Variants in TRANK1 observed in about 807,000 individuals in gnomAD.
TRANK1 encodes tetratricopeptide repeat and ankyrin repeat containing 1, also known as TPR and ankyrin repeat-containing protein 1.
In TRANK1, 198 loss-of-function variants were observed where a neutral mutation model predicts 266.0. That is an observed-to-expected ratio of 0.74 (90% CI 0.66 to 0.84). The LOEUF (loss-of-function observed/expected upper bound fraction) is 0.84. TRANK1 is among the 40% of genes least tolerant of loss of function. TRANK1 has a pLI of 0.00. For synonymous variants in TRANK1, 1,396 were observed against 1,384.1 expected (o/e 1.01, Z -0.19); for missense variants, 3,326 against 3,634.6 (o/e 0.92, Z 2.18).
At position 36,831,570 on chromosome 3, in the gene TRANK1, G is replaced by A. The variant is rs1222880385; in HGVS notation, c.8013C>T (p.Asn2671=). ...CCACAGGGTCCAAACAGAGCAGGCGGTTTAGTCTGACCTCCTCATAATAGA... is the reference window on the plus strand; with the variant it reads ...CCACAGGGTCCAAACAGAGCAGGCGATTTAGTCTGACCTCCTCATAATAGA... The part of the protein sequence containing the change: ...RGLYYEEVRL[N]RLLCLDPVDY... The change falls in exon 22 of 24, where the codon AAC becomes AAT. Residue 2671 remains asparagine, a synonymous_variant. Coordinates refer to ENST00000645898, the MANE Select transcript of TRANK1 (RefSeq NM_001329998.2). The surrounding 1 kb of genome is among the most constrained non-coding windows in gnomAD (Gnocchi z 5.0). The A allele has an allele frequency of 6.2e-7, 1 of 1,613,468 alleles. No homozygotes were observed. Among genetic ancestry groups the A allele is most frequent in the Non-Finnish European group, 8.5e-7 (1 of 1,179,710 alleles).
At chr3:36,916,831 A>T (rs1181892988) in intron 1 of TRANK1, among the ~76,000 whole-genome samples, 2 of 149,746 alleles carry the variant, frequency 1.3e-5, no homozygotes, top group Non-Finnish European at 3.0e-5. Flanking sequence ...TGTTTTTTTG[A>T]AGAGACCGGA....
chr3:36,892,180 G>A lies in TRANK1; in HGVS notation c.775+22C>T, dbSNP rs1453473228. 5 of 1,535,344 alleles carry A rather than the reference G, an allele frequency of 3.3e-6. No individual in the cohort carries two copies. The African/African-American group carries it at 6.9e-5, about 21-fold the overall frequency. ...AGGCTAGAAGGGCAGCTTGGAGGGT[G>A]GAAAACTGGGAGAAGACTCACTGGC... On this transcript the variant is annotated intron_variant, in intron 7 of 23. Transcript: ENST00000645898.
At chr3:36,845,893 G>A (rs2078907437) in intron 17 of TRANK1, among the ~76,000 whole-genome samples, 1 of 152,192 alleles carries the variant, frequency 6.6e-6, no homozygotes, top group South Asian at 2.1e-4. Flanking sequence ...AAGTGGAACT[G>A]TTGGGTCAAA....
intron 8 of TRANK1, among the ~76,000 whole-genome samples, chr3:36,876,097 T>TA (rs2079384946): frequency 6.6e-6 from 1 of 152,198 alleles, no homozygotes; most frequent in Non-Finnish European, 1.5e-5. Flanking sequence ...CACCAACAAA[T>TA]AAGACTTATT....
At chr3:36,879,154 T>TAA (rs533049067) in intron 8 of TRANK1, among the ~76,000 whole-genome samples, 4 of 145,992 alleles carry the variant, frequency 2.7e-5, no homozygotes, top group Non-Finnish European at 6.0e-5. Context: ...GGCAATTGTT[T>TAA]AAAAAAAAAA....
chr3:36,936,770 C>T (rs2080430944), intron 1 of TRANK1, among the ~76,000 whole-genome samples: 1 of 152,094 alleles, frequency 6.6e-6, no homozygotes, highest in African/African-American at 2.4e-5. Context: ...GTTCCAACTC[C>T]CTAAAACCAA....
intron 1 of TRANK1, among the ~76,000 whole-genome samples, chr3:36,928,020 A>G (rs549003875): frequency 6.6e-6 from 1 of 152,332 alleles, no homozygotes; most frequent in East Asian, 1.9e-4. Flanking sequence ...GTGGGGTCAC[A>G]GGTTGTGATG....
At chr3:36,830,736 T>A in intron 22 of TRANK1, 137 bp downstream of exon 22, 3 of 984,530 alleles carry the variant, frequency 3.0e-6, no homozygotes, top group Non-Finnish European at 4.3e-6. Flanking sequence ...GAATATATAT[T>A]CCTCATTTGT....
At chr3:36,830,706 T>C (rs2078680700) in intron 22 of TRANK1, among the ~76,000 whole-genome samples, 167 bp downstream of exon 22, 1 of 152,152 alleles carries the variant, frequency 6.6e-6, no homozygotes, top group Non-Finnish European at 1.5e-5. Flanking sequence ...ATCCAACCAA[T>C]GAGGTTCGCT....
rs1176140713 is a variant in TRANK1, at chr3:36,879,617, A to T, written c.908-5321T>A. On this transcript the variant is annotated intron_variant, in intron 8 of 23. Transcript: ENST00000645898. ...ATATATAAATATATATAAATATACAAATATATATAAATATATATAAATATA... is the reference window on the plus strand; with the variant it reads ...ATATATAAATATATATAAATATACATATATATATAAATATATATAAATATA... Among the ~76,000 whole-genome samples the T allele has an allele frequency of 1.4e-4, 6 of 42,616 alleles. 1 individual carries two copies. Among genetic ancestry groups the T allele is most frequent in the Non-Finnish European group, 3.0e-4 (6 of 19,862 alleles). 28.0% of individuals were successfully genotyped at this position (42,616 alleles called of 152,430 possible). A position where few individuals can be genotyped will look rare whatever the true frequency, so the allele number is the denominator to read the frequency against.
chr3:36,852,770 T>A (rs2079001654), intron 13 of TRANK1, among the ~76,000 whole-genome samples: 1 of 99,198 alleles, frequency 1.0e-5, no homozygotes. Flanking sequence ...AGACTCCATC[T>A]CAATTAAAAA....
chr3:36,928,364 C>A (rs1477157213), intron 1 of TRANK1, among the ~76,000 whole-genome samples: 3 of 152,154 alleles, frequency 2.0e-5, no homozygotes, highest in Admixed American at 2.0e-4. Flanking sequence ...TTCAATACAG[C>A]CAACTTTAAA....
chr3:36,894,830 T>C (rs2079764691), intron 5 of TRANK1, among the ~76,000 whole-genome samples: 1 of 152,236 alleles, frequency 6.6e-6, no homozygotes, highest in Non-Finnish European at 1.5e-5. Context: ...CCAGGAGGGC[T>C]GTTCTAACCA....
chr3:36,888,013 G>T (rs898318212), intron 8 of TRANK1, among the ~76,000 whole-genome samples: 1 of 152,108 alleles, frequency 6.6e-6, no homozygotes, highest in Admixed American at 6.5e-5. Flanking sequence ...GTATCTAGCT[G>T]GGAAAAATGA....
In TRANK1 at chr3:36,856,171, G is replaced by A; in HGVS notation, c.3551C>T (p.Pro1184Leu). The change falls in exon 13 of 24, where the codon CCC (proline) becomes CTC (leucine). Residue 1184 changes from proline to leucine, a missense_variant. Coordinates refer to ENST00000645898, the MANE Select transcript of TRANK1 (RefSeq NM_001329998.2). ...QAAEVCAPEH[P>L]HQLEHLHQIF... ...CTGATGTAAATGCTCCAGCTGGTGG[G>A]GATGTTCTGGTGCACATACTTCTGC... 1.2e-6 allele frequency: 2 copies of A among 1,613,882 alleles called. No homozygotes were observed. Among genetic ancestry groups the A allele is most frequent in the Non-Finnish European group, 1.7e-6 (2 of 1,179,886 alleles).
At position 36,857,719 on chromosome 3, in the gene TRANK1, G is replaced by C; in HGVS notation, c.2003C>G (p.Ser668Ter). 6.2e-7 allele frequency: 1 copy of C among 1,613,998 alleles called. No homozygotes were observed. Among genetic ancestry groups the C allele is most frequent in the Non-Finnish European group, 8.5e-7 (1 of 1,179,882 alleles). ...TGTGTGACCAGGGGCAGTGGACTTT[G>C]AGAGCTTCCCCAGGTGGGCAGCAGA... ...QDSAAHLGKL[S>*]KSTAPGHTSQ... The change falls in exon 13 of 24, where the codon TCA (serine) becomes TGA (stop). Residue 668 changes from serine (S) to a stop codon, truncating the protein, a stop_gained. Coordinates refer to ENST00000645898, the MANE Select transcript of TRANK1 (RefSeq NM_001329998.2). LOFTEE classifies it high-confidence loss of function. The surrounding 1 kb of genome is among the most constrained non-coding windows in gnomAD (Gnocchi z 4.3).
At chr3:36,892,565 C>T (rs2079716517) in intron 6 of TRANK1, among the ~76,000 whole-genome samples, 1 of 152,164 alleles carries the variant, frequency 6.6e-6, no homozygotes, top group Admixed American at 6.5e-5. Flanking sequence ...CGCAGTGATT[C>T]ACGCCTATAA....
chr3:36,878,685 A>C (rs547665133), intron 8 of TRANK1, among the ~76,000 whole-genome samples: 3 of 152,150 alleles, frequency 2.0e-5, no homozygotes, highest in Non-Finnish European at 4.4e-5. Context: ...CCAGGTGATG[A>C]AATGATCTTC....
chr3:36,842,150 G>A (rs761362350), intron 18 of TRANK1, among the ~76,000 whole-genome samples: 26 of 152,316 alleles, frequency 1.7e-4, no homozygotes, highest in Non-Finnish European at 3.1e-4. Context: ...CTTGTAACTG[G>A]AAATTGGTCA....
Sources: allele counts gnomAD v4.1 joint callset (sites outside exome capture counted in the v4.1 genomes callset), GRCh38; gene constraint gnomAD v4.1.1; non-coding constraint Gnocchi (gnomAD v3.1); transcripts MANE v1.5; gene names NCBI Gene and HGNC (gene_info 2026-07-23, HGNC 2026-07-21).